Variants in CNTN5 observed in about 807,000 individuals in gnomAD.
CNTN5 encodes the protein contactin 5.
In CNTN5, 77 loss-of-function variants were observed where a neutral mutation model predicts 129.1. The ratio of observed to expected loss-of-function variants is 0.60; its 90% CI spans 0.50 to 0.72. The LOEUF is 0.72. Ranked by LOEUF, CNTN5 falls within the 30% of genes least tolerant of loss-of-function variation. The probability of loss-of-function intolerance (pLI) is 0.00; values close to 1 mark genes in which losing one functional copy is unlikely to be tolerated. For synonymous variants in CNTN5, 509 were observed against 465.6 expected (o/e 1.09, Z -1.20); for missense variants, 1,478 against 1,328.8 (o/e 1.11, Z -1.75).
intron 1 of CNTN5, among the ~76,000 whole-genome samples, chr11:99,211,341 CTG>C (rs1232563234): frequency 6.6e-6 from 1 of 152,046 alleles, no homozygotes; most frequent in African/African-American, 2.4e-5. Flanking sequence ...GTGTCTAAAA[CTG>C]TGTATTAAAA....
intron 2 of CNTN5, among the ~76,000 whole-genome samples, chr11:99,423,334 C>G (rs899309707): frequency 1.3e-5 from 2 of 152,128 alleles, no homozygotes; most frequent in Admixed American, 6.5e-5. Context: ...CTTCCACCCT[C>G]GAGCAGAAAC....
intron 7 of CNTN5, among the ~76,000 whole-genome samples, chr11:99,951,302 C>T (rs764278901): frequency 3.3e-4 from 50 of 151,694 alleles, no homozygotes; most frequent in Admixed American, 1.6e-3. Context: ...ATGTGACTCA[C>T]GGTAAACTCT....
intron 3 of CNTN5, among the ~76,000 whole-genome samples, chr11:99,637,414 G>A (rs141378979): frequency 1.4e-3 from 219 of 152,228 alleles, no homozygotes; most frequent in Non-Finnish European, 1.6e-3. Context: ...ATAAACATAA[G>A]CAAACACATC....
At chr11:99,761,432 C>A (rs993851990) in intron 3 of CNTN5, among the ~76,000 whole-genome samples, 1 of 152,078 alleles carries the variant, frequency 6.6e-6, no homozygotes, top group African/African-American at 2.4e-5. Flanking sequence ...CACCCCACAA[C>A]AGTCCCCAGA....
At position 99,844,855 on chromosome 11, in the gene CNTN5, G is replaced by T. The variant is rs201704992; in HGVS notation, c.281G>T (p.Ser94Ile). 6.8e-6 allele frequency: 11 copies of T among 1,611,814 alleles called. No individual in the cohort carries two copies. In the South Asian group the frequency reaches 1.2e-4, roughly 18 times the overall value. The change falls in exon 5 of 25, where the codon AGT (serine) becomes ATT (isoleucine). Residue 94 changes from serine (S) to isoleucine (I), a missense_variant. Ser to Ile is a moderately radical substitution (Grantham distance 142). Coordinates refer to ENST00000524871, the MANE Select transcript of CNTN5 (RefSeq NM_014361.4). ...HSSDAFKQDE[S>I]VDYGPVFVQE... ...TGTGTCTGTTTTGTCTTTACAGAAA[G>T]TGTGGACTATGGGCCAGTTTTTGTG...
chr11:100,118,419 T>C (rs548878701), intron 13 of CNTN5, among the ~76,000 whole-genome samples: 97 of 152,040 alleles, frequency 6.4e-4, no homozygotes, highest in African/African-American at 2.3e-3. Flanking sequence ...TGCCTATCTA[T>C]TATTATTTGG....
chr11:100,069,453 C>A (rs2137856664), intron 10 of CNTN5, among the ~76,000 whole-genome samples: 1 of 152,238 alleles, frequency 6.6e-6, no homozygotes, highest in South Asian at 2.1e-4. Flanking sequence ...CGTCCCAGGT[C>A]CAACGTGCAG....
intron 13 of CNTN5, among the ~76,000 whole-genome samples, chr11:100,089,517 C>T (rs1379429950): frequency 6.6e-6 from 1 of 152,058 alleles, no homozygotes; most frequent in African/African-American, 2.4e-5. Context: ...CAAAGACCTA[C>T]AACCAAAAAT....
intron 16 of CNTN5, among the ~76,000 whole-genome samples, chr11:100,238,408 CAAAAA>C (rs201855934): frequency 8.4e-5 from 6 of 71,326 alleles, no homozygotes; most frequent in African/African-American, 2.5e-4. Flanking sequence ...CCTCACTTGT[CAAAAA>C]AAAAAAAAAA....
chr11:99,883,656 G>C (rs1013531835), intron 6 of CNTN5, among the ~76,000 whole-genome samples: 10 of 152,056 alleles, frequency 6.6e-5, no homozygotes, highest in African/African-American at 2.4e-4. Flanking sequence ...GGATACTCCT[G>C]GCCTGTCTTG....
At chr11:99,899,007 T>C (rs1355607058) in intron 6 of CNTN5, among the ~76,000 whole-genome samples, 1 of 152,022 alleles carries the variant, frequency 6.6e-6, no homozygotes, top group Admixed American at 6.6e-5. Flanking sequence ...TGTTGAGATC[T>C]TAATTTGGTT....
chr11:99,345,050 T>G (rs1937731833), intron 2 of CNTN5, among the ~76,000 whole-genome samples: 1 of 152,138 alleles, frequency 6.6e-6, no homozygotes, highest in African/African-American at 2.4e-5. Flanking sequence ...GTGGAACCTT[T>G]TTCTCAGGCC....
intron 2 of CNTN5, among the ~76,000 whole-genome samples, chr11:99,535,413 T>C (rs1362503441): frequency 1.3e-5 from 2 of 152,222 alleles, no homozygotes; most frequent in African/African-American, 4.8e-5. Context: ...TTTGAGCTTC[T>C]TATATTGTGC....
chr11:100,295,006 G>A (rs579653), intron 18 of CNTN5, among the ~76,000 whole-genome samples: 10,385 of 151,608 alleles, frequency 0.068, 483 homozygotes, highest in African/African-American at 0.14. Context: ...AAAACACTGC[G>A]TGAGCTGCAG....
At chr11:100,138,763 T>C (rs957290843) in intron 13 of CNTN5, among the ~76,000 whole-genome samples, 4 of 152,132 alleles carry the variant, frequency 2.6e-5, no homozygotes, top group Admixed American at 6.6e-5. Flanking sequence ...ACTTATTCTC[T>C]ACTGGATTGC....
intron 23 of CNTN5, among the ~76,000 whole-genome samples, chr11:100,344,406 A>G (rs1354297617): frequency 6.6e-6 from 1 of 152,182 alleles, no homozygotes; most frequent in African/African-American, 2.4e-5. Flanking sequence ...TTAAGCTGCT[A>G]TATACAGGAT....
chr11:99,805,318 A>C (rs1225966819), intron 3 of CNTN5, among the ~76,000 whole-genome samples: 1 of 152,184 alleles, frequency 6.6e-6, no homozygotes, highest in Non-Finnish European at 1.5e-5. Context: ...TGTCTGTGGA[A>C]CATCCGGGTG....
chr11:99,352,004 A>C (rs938252255), intron 2 of CNTN5, among the ~76,000 whole-genome samples: 1 of 152,262 alleles, frequency 6.6e-6, no homozygotes, highest in East Asian at 1.9e-4. Context: ...AGCAGATGAC[A>C]TTGACAAGAC....
intron 3 of CNTN5, among the ~76,000 whole-genome samples, chr11:99,621,897 C>T (rs1950962565): frequency 6.6e-6 from 1 of 152,274 alleles, no homozygotes; most frequent in East Asian, 1.9e-4. Context: ...TGCCTTTAAG[C>T]AGAAATGTTG....
Sources: gnomAD v4.1 joint callset for allele counts (sites outside exome capture counted in the v4.1 genomes callset) on GRCh38, gnomAD v4.1.1 for gene constraint, MANE v1.5 for transcripts, NCBI Gene and HGNC (gene_info 2026-07-23, HGNC 2026-07-21) for gene names.